The following PARD3 variants were observed in gnomAD, a reference collection of about 807,000 sequenced individuals.
The protein encoded by PARD3 is par-3 family cell polarity regulator.
Under a neutral mutation model 155.4 loss-of-function variants are expected in PARD3, and 75 were observed. The observed-to-expected ratio is 0.48, with a 90% CI of 0.40 to 0.58. The LOEUF is 0.58. Ranked by LOEUF, PARD3 falls within the 20% of genes least tolerant of loss-of-function variation. PARD3 has a pLI of 0.00. For missense variants in PARD3, 1,642 were observed against 1,721.7 expected (o/e 0.95, Z 0.82); for synonymous variants, 576 against 610.5 (o/e 0.94, Z 0.83).
At chr10:34,527,597 CA>C (rs1463931515) in intron 2 of PARD3, among the ~76,000 whole-genome samples, 4 of 152,158 alleles carry the variant, frequency 2.6e-5, no homozygotes, top group Admixed American at 1.3e-4. Context: ...TAAGATATAT[CA>C]AACCCACCAC....
chr10:34,259,323 G>A (rs998726424), intron 22 of PARD3, among the ~76,000 whole-genome samples: 3 of 152,126 alleles, frequency 2.0e-5, no homozygotes, highest in Non-Finnish European at 2.9e-5. Context: ...GGTTTCAACT[G>A]GGTGAAAATC....
intron 2 of PARD3, among the ~76,000 whole-genome samples, chr10:34,556,885 T>A (rs560014296): frequency 6.6e-6 from 1 of 152,302 alleles, no homozygotes; most frequent in South Asian, 2.1e-4. Context: ...TGTTCACAGA[T>A]TTTGTATTGT....
chr10:34,279,354 C>G (rs1323689572), intron 21 of PARD3, among the ~76,000 whole-genome samples: 2 of 151,824 alleles, frequency 1.3e-5, no homozygotes, highest in African/African-American at 4.8e-5. Flanking sequence ...TTCTACAAAG[C>G]AGGTTAACAG....
intron 2 of PARD3, among the ~76,000 whole-genome samples, chr10:34,676,623 AGTC>A (rs1260657316): frequency 6.6e-6 from 1 of 152,208 alleles, no homozygotes; most frequent in Non-Finnish European, 1.5e-5. Flanking sequence ...CGCAATTAGA[AGTC>A]GTTTAGGGAA....
At chr10:34,305,915 G>A (rs1226561358) in intron 20 of PARD3, among the ~76,000 whole-genome samples, 1 of 152,184 alleles carries the variant, frequency 6.6e-6, no homozygotes, top group African/African-American at 2.4e-5. Flanking sequence ...AGGAGTTCAA[G>A]GTTGCAAGGA....
chr10:34,228,265 G>C (rs1952730119), intron 22 of PARD3, among the ~76,000 whole-genome samples: 1 of 151,862 alleles, frequency 6.6e-6, no homozygotes, highest in African/African-American at 2.4e-5. Flanking sequence ...CTGGAGGGAG[G>C]AGGGTAAGGA....
chr10:34,344,602 TGTTA>T, intron 15 of PARD3: 1 of 985,354 alleles, frequency 1.0e-6, no homozygotes, highest in South Asian at 4.7e-5. Flanking sequence ...TGTTTTTTAT[TGTTA>T]GTTAAGAGAG....
intron 5 of PARD3, among the ~76,000 whole-genome samples, chr10:34,410,820 C>T (rs1343798467): frequency 1.3e-5 from 2 of 152,132 alleles, no homozygotes; most frequent in African/African-American, 4.8e-5. Flanking sequence ...CCCTCCAGGG[C>T]CAAGGGGAGT....
chr10:34,341,480 T>C, intron 16 of PARD3, 147 bp downstream of exon 16: 1 of 531,994 alleles, frequency 1.9e-6, no homozygotes, highest in Non-Finnish European at 3.1e-6. Context: ...TCGGGTATAA[T>C]CTTTTATTAT....
At chr10:34,403,026 C>T (rs1449891674) in intron 5 of PARD3, among the ~76,000 whole-genome samples, 3 of 152,224 alleles carry the variant, frequency 2.0e-5, no homozygotes, top group Middle Eastern at 3.4e-3. Context: ...GTTAAGAGAT[C>T]CTCAGATTCT....
chr10:34,469,998 A>T (rs1006689177), intron 4 of PARD3, 87 bp downstream of exon 4: 2 of 1,100,810 alleles, frequency 1.8e-6, no homozygotes, highest in East Asian at 5.1e-5. Context: ...CTGGAATCCA[A>T]TGGTTTACCC....
chr10:34,614,200 C>T (rs2091101099), intron 2 of PARD3, among the ~76,000 whole-genome samples: 1 of 152,082 alleles, frequency 6.6e-6, no homozygotes, highest in Admixed American at 6.5e-5. Context: ...GGCCAATGAC[C>T]TCTCTCCTTT....
intron 1 of PARD3, among the ~76,000 whole-genome samples, chr10:34,728,632 C>T (rs1234443599): frequency 6.6e-6 from 1 of 152,146 alleles, no homozygotes; most frequent in African/African-American, 2.4e-5. Flanking sequence ...TTTCTAAGTG[C>T]TCCCAATTTG....
intron 2 of PARD3, among the ~76,000 whole-genome samples, chr10:34,689,731 C>T (rs1042995102): frequency 6.6e-6 from 1 of 152,002 alleles, no homozygotes; most frequent in Admixed American, 6.6e-5. Flanking sequence ...AAATCTAAAA[C>T]GTCGTTTACT....
chr10:34,218,518 G>A (rs1952118260), intron 22 of PARD3, among the ~76,000 whole-genome samples: 1 of 152,156 alleles, frequency 6.6e-6, no homozygotes, highest in South Asian at 2.1e-4. Context: ...ATTCTGAGAT[G>A]TGCCCAAGTA....
chr10:34,746,548 G>A, intron 1 of PARD3, among the ~76,000 whole-genome samples: 1 of 152,130 alleles, frequency 6.6e-6, no homozygotes, highest in East Asian at 1.9e-4. Flanking sequence ...ATGTACTTTT[G>A]CAAATATGCC....
intron 7 of PARD3, among the ~76,000 whole-genome samples, chr10:34,397,068 C>T (rs1016307822): frequency 2.0e-5 from 3 of 152,180 alleles, no homozygotes; most frequent in African/African-American, 7.2e-5. Flanking sequence ...GAACATATTC[C>T]GTTCATCTTT....
At chr10:34,161,067 C>T (rs1337801150) in intron 22 of PARD3, among the ~76,000 whole-genome samples, 1 of 151,846 alleles carries the variant, frequency 6.6e-6, no homozygotes, top group African/African-American at 2.4e-5. Context: ...TATAGTGAGA[C>T]CTCATCTCTA....
chr10:34,671,671 CA>C lies in PARD3; in HGVS notation c.222+24646del, dbSNP rs1184849633. 2.0e-5 allele frequency among the ~76,000 whole-genome samples: 3 copies of C among 152,074 alleles called. No individual in the cohort carries two copies. In the East Asian group the frequency reaches 5.8e-4, roughly 29 times the overall value. ...AAACTGAAAGGGGTAAAATGCTTGC[CA>C]AAATAAGATTATATGTATTTCCACA... On this transcript the variant is annotated intron_variant, in intron 2 of 24. Coordinates refer to ENST00000374788, the MANE Select transcript of PARD3 (RefSeq NM_001184785.2).
Sources: allele counts gnomAD v4.1 joint callset (sites outside exome capture counted in the v4.1 genomes callset), GRCh38; gene constraint gnomAD v4.1.1; transcripts MANE v1.5; gene names NCBI Gene and HGNC (gene_info 2026-07-23, HGNC 2026-07-21).